Variants in MAP3K11 observed in about 807,000 individuals in gnomAD.
MAP3K11 encodes mitogen-activated protein kinase kinase kinase 11, also known as SH3 domain-containing proline-rich kinase.
A neutral mutation model predicts 84.9 loss-of-function variants in MAP3K11; 46 were observed. The ratio of observed to expected loss-of-function variants is 0.54; its 90% CI spans 0.43 to 0.69. MAP3K11 has a LOEUF of 0.69. Among genes scored for constraint, MAP3K11 ranks in the 30% least tolerant of loss-of-function variants. The probability of loss-of-function intolerance (pLI) is 0.00; values close to 1 mark genes in which losing one functional copy is unlikely to be tolerated. For synonymous variants in MAP3K11, 527 were observed against 514.7 expected, an observed-to-expected ratio of 1.02 and a Z score of -0.32; for missense variants, 1,053 against 1,198.3, an observed-to-expected ratio of 0.88 and a Z score of 1.79.
At chr11:65,602,039 TA>T (rs1196111978) in intron 8 of MAP3K11, among the ~76,000 whole-genome samples, 2 of 149,636 alleles carry the variant, frequency 1.3e-5, no homozygotes, top group Non-Finnish European at 3.0e-5. Context: ...CTGTCTCTAC[TA>T]AAAAATACAA....
At position 65,599,108 on chromosome 11, in the gene MAP3K11, C is replaced by G. The variant is rs1029626757; in HGVS notation, c.2206+286G>C. Among the ~76,000 whole-genome samples, 2 of 152,290 alleles carry G rather than the reference C, an allele frequency of 1.3e-5. 1 individual carries two copies. Among genetic ancestry groups the G allele is most frequent in the South Asian group, 4.1e-4 (2 of 4,830 alleles). ...TGCAGCCTCAACCTTTCAAGGCTCACGTGATCCTCCCAGAGTGCTGGGATC... is the reference window on the plus strand; with the variant it reads ...TGCAGCCTCAACCTTTCAAGGCTCAGGTGATCCTCCCAGAGTGCTGGGATC... On this transcript the variant is annotated intron_variant, in intron 9 of 9. Coordinates refer to ENST00000309100, the MANE Select transcript of MAP3K11 (RefSeq NM_002419.4).
rs896315911 is a variant in MAP3K11, at chr11:65,613,820, G to A, written c.-64C>T. ...CTGGGTGCCCGTGGTCCCCACCCCC[G>A]CTGGCTGCCAAGGCCCTAGTCCCGG... On this transcript the variant is annotated 5_prime_UTR_variant, in exon 1 of 10. Transcript: ENST00000309100. 10 of 1,454,136 alleles carry A rather than the reference G, an allele frequency of 6.9e-6. No homozygotes were observed. The highest frequency in any genetic ancestry group is 2.5e-5 in the Admixed American group (1 of 39,976). 90.1% of individuals were successfully genotyped at this position (1,454,136 alleles called of 1,614,324 possible).
Position 65,606,067 on chromosome 11 carries a change from G to A in MAP3K11, c.1618C>T (p.Pro540Ser), listed in dbSNP as rs61736582. The change falls in exon 7 of 10, where the codon CCA (proline) becomes TCA (serine). Residue 540 changes from proline to serine, a missense_variant. Physicochemically the swap from Pro to Ser is moderately conservative, Grantham distance 74. Around this residue, in one of 3 missense-constraint regions of MAP3K11, gnomAD observed 583 missense variants for 566.6 expected, o/e 1.03. Transcript: ENST00000309100. ...GACTGGCGGCCCCATGCCTGGCCTGGCTCTGCAGGCTCCACTGCAGGGGAA... is the reference window on the plus strand; with the variant it reads ...GACTGGCGGCCCCATGCCTGGCCTGACTCTGCAGGCTCCACTGCAGGGGAA... ...FRAIQLEPAE[P>S]GQAWGRQSPR... 1,322 of 1,576,284 alleles carry A rather than the reference G, an allele frequency of 8.4e-4. 9 individuals are homozygous for A. The African/African-American group carries it at 0.013, about 16-fold the overall frequency.
At chr11:65,606,215 A>G in intron 6 of MAP3K11, 134 bp from the exon 7 acceptor site, 1 of 1,061,480 alleles carries the variant, frequency 9.4e-7, no homozygotes, top group Non-Finnish European at 1.3e-6. Flanking sequence ...GCTTTGGGCA[A>G]GATAGATGGG....
At position 65,607,251 on chromosome 11, in the gene MAP3K11, C is replaced by A; in HGVS notation, c.1489+19G>T. Reference sequence around the variant, plus strand: ...CCCCGCAGCCAATGGCGGGGGACGCCCCGGGGCCCGGCCCTCACCGAGTGG... The same window carrying A: ...CCCCGCAGCCAATGGCGGGGGACGCACCGGGGCCCGGCCCTCACCGAGTGG... On this transcript the variant is annotated intron_variant, in intron 5 of 9. Coordinates refer to ENST00000309100, the MANE Select transcript of MAP3K11 (RefSeq NM_002419.4). The A allele has an allele frequency of 6.8e-7, 1 of 1,476,400 alleles. No individual in the cohort carries two copies. The highest frequency in any genetic ancestry group is 8.9e-7 in the Non-Finnish European group (1 of 1,124,304). 91.5% of individuals were successfully genotyped at this position (1,476,400 alleles called of 1,614,324 possible).
intron 3 of MAP3K11, 30 bp from the exon 4 acceptor site, chr11:65,607,846 A>G (rs770743812): frequency 2.5e-6 from 4 of 1,606,758 alleles, no homozygotes; most frequent in South Asian, 1.1e-5. Context: ...CGGGGACAGA[A>G]TAAGAAGGGG....
chr11:65,606,128 C>T, intron 6 of MAP3K11, 47 bp from the exon 7 acceptor site: 3 of 1,529,070 alleles, frequency 2.0e-6, no homozygotes, highest in Non-Finnish European at 1.7e-6. Context: ...ATTCTCCCTC[C>T]ATCATCACAG....
intron 8 of MAP3K11, among the ~76,000 whole-genome samples, chr11:65,604,293 A>G (rs1273257164): frequency 6.6e-6 from 1 of 152,264 alleles, no homozygotes; most frequent in Non-Finnish European, 1.5e-5. Flanking sequence ...GTTCTGTGGA[A>G]CAGTCAGGAC....
chr11:65,613,871 T>C lies in MAP3K11; in HGVS notation c.-115A>G. On this transcript the variant is annotated 5_prime_UTR_variant, in exon 1 of 10. The change abolishes the stop of an existing upstream ORF in the 5' untranslated region. Transcript: ENST00000309100. Reference sequence around the variant, plus strand: ...AACCTGGGCATCCGGGCCCTGGCCCTCAGCCCCAGACCCACGCCTCTCTGG... The same window carrying C: ...AACCTGGGCATCCGGGCCCTGGCCCCCAGCCCCAGACCCACGCCTCTCTGG... The C allele has an allele frequency of 8.3e-7, 1 of 1,208,188 alleles. No homozygotes were observed. The highest frequency in any genetic ancestry group is 2.9e-5 in the Admixed American group (1 of 34,466). 74.8% of individuals were successfully genotyped at this position (1,208,188 alleles called of 1,614,324 possible).
intron 5 of MAP3K11, 177 bp downstream of exon 5, chr11:65,607,093 G>T: frequency 2.2e-6 from 2 of 921,294 alleles, no homozygotes; most frequent in Non-Finnish European, 3.0e-6. Context: ...AAATACTTCC[G>T]CCAGAACCCG....
rs1195859060 is a variant in MAP3K11, at chr11:65,597,958, G to T, written c.*333C>A. 3 of 258,620 alleles carry T rather than the reference G, an allele frequency of 1.2e-5. No homozygotes were observed. The highest frequency in any genetic ancestry group is 2.2e-5 in the Non-Finnish European group (3 of 136,920). 16.0% of individuals were successfully genotyped at this position (258,620 alleles called of 1,614,324 possible). A position where few individuals can be genotyped will look rare whatever the true frequency, so the allele number is the denominator to read the frequency against. On this transcript the variant is annotated 3_prime_UTR_variant, in exon 10 of 10. Transcript: ENST00000309100. ...GTCAAAAGTGCTGGTGACAGCTGAG[G>T]CCGGCCCCTCTTCCCTGCACCTCCC...
In MAP3K11 at chr11:65,607,283, G is replaced by A. The variant is rs1210992965; in HGVS notation, c.1476C>T (p.Ile492=). ...KLRARDGGER[I]SMPLDFKHRI... Reference sequence around the variant, plus strand: ...CCCGGCCCTCACCGAGTGGCATGCTGATACGCTCGCCGCCGTCGCGCGCCC... The same window carrying A: ...CCCGGCCCTCACCGAGTGGCATGCTAATACGCTCGCCGCCGTCGCGCGCCC... Residue 492 remains isoleucine, a synonymous_variant, in exon 5 of 10, where the codon ATC becomes ATT. Coordinates refer to ENST00000309100, the MANE Select transcript of MAP3K11 (RefSeq NM_002419.4). 1 of 1,521,038 alleles carries A rather than the reference G, an allele frequency of 6.6e-7. No homozygotes were observed. Among genetic ancestry groups the A allele is most frequent in the Non-Finnish European group, 8.7e-7 (1 of 1,143,500 alleles). The allele number at this position is 1,521,038 out of a possible 1,614,324, so 94.2% of individuals were successfully genotyped here.
In MAP3K11 at chr11:65,608,061, C is replaced by T; in HGVS notation, c.930G>A (p.Val310=). 2 of 1,614,060 alleles carry T rather than the reference C, an allele frequency of 1.2e-6. No individual in the cohort carries two copies. The highest frequency in any genetic ancestry group is 1.7e-6 in the Non-Finnish European group (2 of 1,179,926). Residue 310 remains valine, a synonymous_variant, in exon 3 of 10, where the codon GTG becomes GTA. Transcript: ENST00000309100. ...SKGSDVWSFG[V]LLWELLTGEV... ...CCCCGGTCAGCAGTTCCCACAGCAG[C>T]ACCCCAAAACTGTGGGCGAGACAAC...
chr11:65,604,367 G>C (rs1854485108), intron 8 of MAP3K11, among the ~76,000 whole-genome samples: 1 of 152,214 alleles, frequency 6.6e-6, no homozygotes, highest in African/African-American at 2.4e-5. Context: ...ATCTGGCCTG[G>C]TACAATTTAG....
rs773597052 is a variant in MAP3K11 at position 65,599,611 on chromosome 11, C to T, written c.1989G>A (p.Pro663=). 14 of 1,540,586 alleles carry T rather than the reference C, an allele frequency of 9.1e-6. No homozygotes were observed. Among genetic ancestry groups the T allele is most frequent in the East Asian group, 7.3e-5 (3 of 41,078 alleles). ...ASLGLGRDLQ[P]PGGPGRERGE... is the part of the protein sequence containing the mutation. ...CGCGCTCGCGTCCTGGGCCTCCCGG[C>T]GGCTGCAGGTCGCGGCCAAGGCCCA... The change falls in exon 9 of 10, where the codon CCG becomes CCA. Residue 663 remains proline (P), a synonymous_variant. Transcript: ENST00000309100.
chr11:65,606,549 G>C, intron 6 of MAP3K11, 142 bp downstream of exon 6: 1 of 589,052 alleles, frequency 1.7e-6, no homozygotes, highest in Non-Finnish European at 3.0e-6. Flanking sequence ...GAGTTCAGAG[G>C]TAACAGGCTA....
intron 8 of MAP3K11, among the ~76,000 whole-genome samples, chr11:65,602,274 G>A (rs1286770449): frequency 6.6e-6 from 1 of 151,462 alleles, no homozygotes; most frequent in Non-Finnish European, 1.5e-5. Flanking sequence ...CACTTTGGGA[G>A]GCCAAGTAGG....
chr11:65,612,949 T>C, intron 1 of MAP3K11, 69 bp downstream of exon 1: 2 of 1,482,168 alleles, frequency 1.3e-6, no homozygotes, highest in Non-Finnish European at 1.8e-6. Context: ...TAAGCTAGGC[T>C]CAGTGGAAGG....
In MAP3K11 at chr11:65,599,721, C is replaced by G; in HGVS notation, c.1879G>C (p.Val627Leu). The G allele has an allele frequency of 1.9e-6, 3 of 1,587,948 alleles. No homozygotes were observed. The highest frequency in any genetic ancestry group is 1.7e-6 in the Non-Finnish European group (2 of 1,174,776). The change falls in exon 9 of 10, where the codon GTC (valine) becomes CTC (leucine). Residue 627 changes from valine to leucine, a missense_variant. Val to Leu is a conservative substitution (Grantham distance 32). Around this residue, in one of 3 missense-constraint regions of MAP3K11, gnomAD observed 583 missense variants for 566.6 expected, o/e 1.03. Transcript: ENST00000309100. ...SLEPEEPKRP[V>L]PAERGSSSGT... ...GAGCTGCTACCGCGCTCTGCGGGGA[C>G]AGGCCTCTTGGGCTCCTCGGGCTCC...
Sources: gnomAD v4.1 joint callset for allele counts (sites outside exome capture counted in the v4.1 genomes callset) on GRCh38, gnomAD v4.1.1 for gene constraint, gnomAD v4.1.1 regional missense constraint, MANE v1.5 for transcripts, NCBI Gene and HGNC (gene_info 2026-07-23, HGNC 2026-07-21) for gene names.